Variants in RAB11FIP3 observed in about 807,000 individuals in gnomAD.
The protein encoded by RAB11FIP3 is rab11 family-interacting protein 3.
Under a neutral mutation model 77.8 loss-of-function variants are expected in RAB11FIP3, and 17 were observed. The observed-to-expected ratio is 0.22, with a 90% CI of 0.15 to 0.33. The LOEUF is 0.33. Among genes scored for constraint, RAB11FIP3 ranks in the 10% least tolerant of loss-of-function variants. RAB11FIP3 has a pLI of 1.00. For synonymous variants in RAB11FIP3, 437 were observed against 448.2 expected (o/e 0.98, Z 0.31); for missense variants, 1,005 against 1,011.2 (o/e 0.99, Z 0.08).
chr16:436,183 G>A (rs183097901), intron 1 of RAB11FIP3, among the ~76,000 whole-genome samples: 71 of 152,222 alleles, frequency 4.7e-4, no homozygotes, highest in African/African-American at 1.2e-3. Context: ...GGTGGCAGGC[G>A]CCTGTAATTC....
chr16:431,168 CAG>C (rs1334212573), intron 1 of RAB11FIP3, among the ~76,000 whole-genome samples: 1 of 151,890 alleles, frequency 6.6e-6, no homozygotes, highest in African/African-American at 2.4e-5. Context: ...TCTGCAGGAT[CAG>C]GGATGTGTGT....
intron 3 of RAB11FIP3, among the ~76,000 whole-genome samples, chr16:479,777 G>A (rs1015256243): frequency 6.6e-6 from 1 of 151,976 alleles, no homozygotes; most frequent in African/African-American, 2.4e-5. Flanking sequence ...AAAAAATTAG[G>A]CATGGTGGCT....
chr16:498,108 C>T (rs191743897), intron 6 of RAB11FIP3, among the ~76,000 whole-genome samples: 3 of 152,268 alleles, frequency 2.0e-5, no homozygotes, highest in South Asian at 4.1e-4. Context: ...CCACCTCAGC[C>T]TCCCAAAATT....
chr16:508,229 C>T lies in RAB11FIP3; in HGVS notation c.1500-2431C>T, dbSNP rs536693411. On this transcript the variant is annotated intron_variant, in intron 8 of 13. Coordinates refer to ENST00000262305, the MANE Select transcript of RAB11FIP3 (RefSeq NM_014700.4). ...CCTGAGAATGTGAAGACCTCTGACC[C>T]GGTGCTGTGACTGAGGAACCTCTGG... is the stretch of plus-strand genomic sequence containing the variant. 2.8e-4 allele frequency among the ~76,000 whole-genome samples: 42 copies of T among 152,282 alleles called. No homozygotes were observed. In the South Asian group the frequency reaches 2.9e-3, roughly 11 times the overall value.
At chr16:493,810 T>TTGG (rs2030833457) in intron 5 of RAB11FIP3, among the ~76,000 whole-genome samples, 7 of 147,000 alleles carry the variant, frequency 4.8e-5, no homozygotes, top group Non-Finnish European at 7.4e-5. Context: ...TTTCACCATG[T>TTGG]CTCAATCTCC....
chr16:497,217 C>T (rs1339925523), intron 6 of RAB11FIP3: 9 of 1,252,560 alleles, frequency 7.2e-6, no homozygotes, highest in Non-Finnish European at 9.5e-6. Context: ...CGGGTCTGGG[C>T]AGCTCCCCAA....
chr16:429,450 T>A (rs2055000996), intron 1 of RAB11FIP3, among the ~76,000 whole-genome samples: 1 of 152,134 alleles, frequency 6.6e-6, no homozygotes. Context: ...GAGAGACTCT[T>A]AGTCCAGTCA....
At chr16:476,205 G>T (rs1228831116) in intron 3 of RAB11FIP3, among the ~76,000 whole-genome samples, 1 of 152,228 alleles carries the variant, frequency 6.6e-6, no homozygotes, top group Admixed American at 6.5e-5. Flanking sequence ...AGCGGAGCGT[G>T]TGAGTTCCAG....
rs546992551 is a variant in RAB11FIP3 at position 507,405 on chromosome 16, C to A, written c.1499+1778C>A. 6.6e-6 allele frequency among the ~76,000 whole-genome samples: 1 copy of A among 152,206 alleles called. No individual in the cohort carries two copies. Among genetic ancestry groups the A allele is most frequent in the Non-Finnish European group, 1.5e-5 (1 of 68,040 alleles). On this transcript the variant is annotated intron_variant, in intron 8 of 13. Coordinates refer to ENST00000262305, the MANE Select transcript of RAB11FIP3 (RefSeq NM_014700.4). The surrounding 1 kb of genome is among the most constrained non-coding windows in gnomAD (Gnocchi z 4.6). ...GGATTACAGGCGTGAGCCACCGTGC[C>A]CGGCCTAGTTTTTAATTTTTTTATA...
intron 9 of RAB11FIP3, among the ~76,000 whole-genome samples, chr16:516,118 C>T (rs1166779290): frequency 1.3e-5 from 2 of 152,208 alleles, no homozygotes; most frequent in Admixed American, 1.3e-4. Flanking sequence ...TGCTTTGCCC[C>T]TGGTCTCAAT....
chr16:511,039 C>T (rs1274436581), intron 9 of RAB11FIP3, among the ~76,000 whole-genome samples: 4 of 140,414 alleles, frequency 2.8e-5, no homozygotes, highest in Admixed American at 1.4e-4. Flanking sequence ...ACCTGCCGGC[C>T]AGGTAGGAGA....
chr16:491,371 C>G lies in RAB11FIP3; in HGVS notation c.1265+2371C>G, dbSNP rs531016905. On this transcript the variant is annotated intron_variant, in intron 5 of 13. Transcript: ENST00000262305. ...CCTGCCCCGAGGCGACCAGGAGCCTCTCAGGCAGCGGGACTCTCCCTGGGG... is the reference window on the plus strand; with the variant it reads ...CCTGCCCCGAGGCGACCAGGAGCCTGTCAGGCAGCGGGACTCTCCCTGGGG... 6 of 1,191,228 alleles carry G rather than the reference C, an allele frequency of 5.0e-6. No homozygotes were observed. In the African/African-American group the frequency reaches 6.3e-5, roughly 13 times the overall value. The allele number at this position is 1,191,228 out of a possible 1,614,324, so 73.8% of individuals were successfully genotyped here.
chr16:496,907 T>C (rs773030514), intron 6 of RAB11FIP3, 48 bp downstream of exon 6: 12 of 1,473,486 alleles, frequency 8.1e-6, no homozygotes, highest in Admixed American at 8.1e-5. Context: ...AAGTGGATAA[T>C]TAATCATAGT....
At chr16:432,489 T>A (rs1215890727) in intron 1 of RAB11FIP3, among the ~76,000 whole-genome samples, 4 of 152,098 alleles carry the variant, frequency 2.6e-5, no homozygotes, top group African/African-American at 9.7e-5. Context: ...GATAATTAAA[T>A]ATTTAATATG....
chr16:435,815 C>T (rs1434216180), intron 1 of RAB11FIP3, among the ~76,000 whole-genome samples: 1 of 152,034 alleles, frequency 6.6e-6, no homozygotes, highest in East Asian at 1.9e-4. Context: ...TATTTACATA[C>T]TTTGACTTCA....
chr16:514,063 C>T lies in RAB11FIP3; in HGVS notation c.1640+3263C>T, dbSNP rs2032302077. ...GGAGGGGCACAAGATAGGGGTCTCA[C>T]GAGGCCCTCAGGGAGCAAGCAGGGC... On this transcript the variant is annotated intron_variant, in intron 9 of 13. Transcript: ENST00000262305. This position sits in a 1 kb window ranked among gnomAD's most constrained non-coding sequence, Gnocchi z 4.6. Among the ~76,000 whole-genome samples the T allele has an allele frequency of 6.6e-6, 1 of 152,240 alleles. No homozygotes were observed. Among genetic ancestry groups the T allele is most frequent in the Non-Finnish European group, 1.5e-5 (1 of 68,036 alleles).
intron 8 of RAB11FIP3, 158 bp from the exon 9 acceptor site, chr16:510,502 C>A: frequency 1.2e-6 from 1 of 835,332 alleles, no homozygotes; most frequent in Non-Finnish European, 1.8e-6. Flanking sequence ...TTCGCTGCTT[C>A]AGAACTGCCT....
In RAB11FIP3 at chr16:491,411, C is replaced by T; in HGVS notation, c.1265+2411C>T. Reference sequence around the variant, plus strand: ...TCTCCCTGGGGCCCCGCCTCCCACCCTGCACGCTGTGGGGCCACCAGGGCC... The same window carrying T: ...TCTCCCTGGGGCCCCGCCTCCCACCTTGCACGCTGTGGGGCCACCAGGGCC... On this transcript the variant is annotated intron_variant, in intron 5 of 13. Transcript: ENST00000262305. The T allele has an allele frequency of 3.5e-6, 3 of 861,990 alleles. No homozygotes were observed. In the South Asian group the frequency reaches 5.1e-5, roughly 15 times the overall value. The allele number at this position is 861,990 out of a possible 1,614,324, so 53.4% of individuals were successfully genotyped here. A position where few individuals can be genotyped will look rare whatever the true frequency, so the allele number is the denominator to read the frequency against.
intron 1 of RAB11FIP3, among the ~76,000 whole-genome samples, chr16:435,503 T>C (rs751150582): frequency 5.6e-4 from 86 of 152,292 alleles, no homozygotes; most frequent in Non-Finnish European, 1.0e-3. Context: ...TATGATAGAG[T>C]GATGTACTAA....
Sources: allele counts gnomAD v4.1 joint callset (sites outside exome capture counted in the v4.1 genomes callset), GRCh38; gene constraint gnomAD v4.1.1; non-coding constraint Gnocchi (gnomAD v3.1); transcripts MANE v1.5; gene names NCBI Gene and HGNC (gene_info 2026-07-23, HGNC 2026-07-21).